TRIO: variants seen among roughly 807,000 people sequenced by gnomAD.
TRIO encodes triple functional domain protein.
Under a neutral mutation model 351.9 loss-of-function variants are expected in TRIO, and 58 were observed. The observed-to-expected ratio is 0.16, with a 90% CI of 0.13 to 0.21. The LOEUF (loss-of-function observed/expected upper bound fraction) is 0.21, where lower values mean the gene tolerates loss of function less well. TRIO is among the 10% of genes least tolerant of loss of function. The pLI, the probability that TRIO is intolerant of heterozygous loss-of-function variation, is 1.00. For synonymous variants in TRIO, 1,758 were observed against 1,595.7 expected (o/e 1.10, Z -2.42); for missense variants, 3,201 against 4,027.8 (o/e 0.79, Z 5.56).
At position 14,286,841 on chromosome 5, in the gene TRIO, CG is replaced by C; in HGVS notation, c.348-29del. ...AGGCAGAGTGGCAAGAGATGTAACC[CG>C]TCTTCAGCCATGTTTTCTTTCTCTG... On this transcript the variant is annotated intron_variant, in intron 3 of 56. Coordinates refer to ENST00000344204, the MANE Select transcript of TRIO (RefSeq NM_007118.4). The surrounding 1 kb of genome is among the most constrained non-coding windows in gnomAD (Gnocchi z 4.4). The C allele has an allele frequency of 6.3e-7, 1 of 1,597,012 alleles. No individual in the cohort carries two copies.
chr5:14,316,069 C>T (rs888540069), intron 8 of TRIO, among the ~76,000 whole-genome samples: 2 of 152,114 alleles, frequency 1.3e-5, no homozygotes, highest in African/African-American at 2.4e-5. Context: ...AATTTTGTTC[C>T]ATTGTGATGA....
chr5:14,245,302 A>G (rs1280635223), intron 1 of TRIO, among the ~76,000 whole-genome samples: 1 of 152,156 alleles, frequency 6.6e-6, no homozygotes, highest in Non-Finnish European at 1.5e-5. Context: ...GCTCTCTTTC[A>G]CTGAAGTTTC....
At chr5:14,390,810 C>T (rs1357400566) in intron 26 of TRIO, 91 bp from the exon 27 acceptor site, 14 of 1,039,144 alleles carry the variant, frequency 1.3e-5, no homozygotes, top group East Asian at 2.8e-5. Context: ...CTTAAATTTC[C>T]GTTATCCATA....
chr5:14,262,004 C>T (rs929373428), intron 1 of TRIO, among the ~76,000 whole-genome samples: 1 of 152,060 alleles, frequency 6.6e-6, no homozygotes, highest in African/African-American at 2.4e-5. Context: ...TTGCTCTGTG[C>T]CTAGATGGAT....
At position 14,378,002 on chromosome 5, in the gene TRIO, T is replaced by A. The variant is rs759341455; in HGVS notation, c.3332-10T>A. ...AGCACCAACATACATCATTTTCTTT[T>A]TTCTCTCAGATATCTTGAATGAACT... On this transcript the variant is annotated splice_polypyrimidine_tract_variant and intron_variant, in intron 19 of 56. Transcript: ENST00000344204. 39 of 1,601,040 alleles carry A rather than the reference T, an allele frequency of 2.4e-5. No homozygotes were observed. Among genetic ancestry groups the A allele is most frequent in the Middle Eastern group, 3.3e-4 (2 of 6,070 alleles).
In TRIO at chr5:14,461,252, G is replaced by A. The variant is rs1025988315; in HGVS notation, c.5437G>A (p.Gly1813Ser). ...SREVRKSADA[G>S]SQKDSDDSAA... ...CGAGGTCCGCAAGAGCGCCGACGCC[G>A]GCTCGCAGAAGGACTCCGACGACAG... Residue 1813 changes from glycine to serine, a missense_variant, in exon 35 of 57, where the codon GGC becomes AGC. Physicochemically the swap from Gly to Ser is moderately conservative, Grantham distance 56 (BLOSUM62 0). This residue lies in a region of TRIO where 193 missense variants were observed against 218.8 expected (regional missense o/e 0.88). Transcript: ENST00000344204. 5.0e-6 allele frequency: 8 copies of A among 1,594,420 alleles called. No individual in the cohort carries two copies. The Admixed American group carries it at 1.4e-4, about 27-fold the overall frequency.
At chr5:14,175,020 C>T (rs528281936) in intron 1 of TRIO, among the ~76,000 whole-genome samples, 3 of 150,686 alleles carry the variant, frequency 2.0e-5, no homozygotes, top group Non-Finnish European at 3.0e-5. Context: ...TAAAGATGCA[C>T]ATATTACTTT....
chr5:14,278,886 A>G lies in TRIO; in HGVS notation c.233-1436A>G, dbSNP rs114022732. On this transcript the variant is annotated intron_variant, in intron 2 of 56. Coordinates refer to ENST00000344204, the MANE Select transcript of TRIO (RefSeq NM_007118.4). ...ACATTTTTACTACTAAAAAAGAAGTAAAGCCAGTAGTTCGAAAGATCATGC... is the reference window on the plus strand; with the variant it reads ...ACATTTTTACTACTAAAAAAGAAGTGAAGCCAGTAGTTCGAAAGATCATGC... Among the ~76,000 whole-genome samples the G allele has an allele frequency of 6.0e-3, 907 of 152,356 alleles. 6 individuals are homozygous for G. The highest frequency in any genetic ancestry group is 9.4e-3 in the Non-Finnish European group (642 of 68,036).
At chr5:14,443,801 A>G (rs1248498403) in intron 34 of TRIO, among the ~76,000 whole-genome samples, 2 of 152,266 alleles carry the variant, frequency 1.3e-5, no homozygotes, top group Non-Finnish European at 2.9e-5. Flanking sequence ...TGTTAAGAAA[A>G]TAAGAGAAGG....
At chr5:14,157,555 C>T (rs1788187359) in intron 1 of TRIO, among the ~76,000 whole-genome samples, 1 of 151,636 alleles carries the variant, frequency 6.6e-6, no homozygotes, top group Admixed American at 6.6e-5. Context: ...GTCTCTCTCT[C>T]TCTCCCTGTC....
intron 34 of TRIO, among the ~76,000 whole-genome samples, chr5:14,455,819 C>T (rs1014702985): frequency 2.0e-5 from 3 of 152,276 alleles, no homozygotes; most frequent in African/African-American, 7.2e-5. Context: ...CTCAGGAGCC[C>T]AGCTGGCTTT....
intron 53 of TRIO, among the ~76,000 whole-genome samples, chr5:14,500,049 T>TAAA (rs759222831): frequency 1.2e-4 from 9 of 77,102 alleles, no homozygotes; most frequent in African/African-American, 3.6e-4. Context: ...AGACTCTGTC[T>TAAA]CAAAAAAAAA....
intron 3 of TRIO, among the ~76,000 whole-genome samples, chr5:14,281,442 G>A (rs998085243): frequency 2.7e-5 from 2 of 74,386 alleles, no homozygotes; most frequent in South Asian, 4.5e-4. Context: ...CCCCCGCCCC[G>A]TGATCCAATT....
intron 49 of TRIO, among the ~76,000 whole-genome samples, chr5:14,493,395 G>A (rs138073046): frequency 0.037 from 5,659 of 152,154 alleles, 152 homozygotes; most frequent in Middle Eastern, 0.071. Flanking sequence ...CTCTGTATTT[G>A]TGTCACATTT....
chr5:14,227,825 A>T (rs895807812), intron 1 of TRIO, among the ~76,000 whole-genome samples: 11 of 152,232 alleles, frequency 7.2e-5, no homozygotes, highest in Non-Finnish European at 1.0e-4. Flanking sequence ...TTTAGTCTCA[A>T]TGGAAAGGTT....
intron 1 of TRIO, among the ~76,000 whole-genome samples, chr5:14,148,079 G>A (rs1450077116): frequency 6.6e-6 from 1 of 152,174 alleles, no homozygotes; most frequent in African/African-American, 2.4e-5. Context: ...CTTGTAAACC[G>A]ACATATTGAT....
chr5:14,507,953 A>C lies in TRIO; in HGVS notation c.8825A>C (p.Gln2942Pro), dbSNP rs764464796. The C allele has an allele frequency of 2.5e-6, 4 of 1,614,090 alleles. No individual in the cohort carries two copies. In the African/African-American group the frequency reaches 5.3e-5, roughly 22 times the overall value. Residue 2942 changes from glutamine to proline, a missense_variant, in exon 57 of 57, where the codon CAG (glutamine) becomes CCG (proline). Physicochemically the swap from Gln to Pro is moderately conservative, Grantham distance 76. Coordinates refer to ENST00000344204, the MANE Select transcript of TRIO (RefSeq NM_007118.4). ...CTGGCTGACTTTGGAGATGCTGTTCAGCTCAACACGACCTACTACATCCAC... is the reference window on the plus strand; with the variant it reads ...CTGGCTGACTTTGGAGATGCTGTTCCGCTCAACACGACCTACTACATCCAC... ...IKLADFGDAV[Q>P]LNTTYYIHQL...
chr5:14,503,134 A>C (rs1757415115), intron 54 of TRIO, among the ~76,000 whole-genome samples: 1 of 152,264 alleles, frequency 6.6e-6, no homozygotes, highest in Admixed American at 6.5e-5. Context: ...GGGGTGGCCC[A>C]GCAGTGCCAT....
At chr5:14,466,380 A>G (rs1423966066) in intron 37 of TRIO, 1 of 126,578 alleles carries the variant, frequency 7.9e-6, no homozygotes, top group Non-Finnish European at 1.7e-5. Context: ...AAGGGTTTAC[A>G]TTATTATATA....
Sources: gnomAD v4.1 joint callset for allele counts (sites outside exome capture counted in the v4.1 genomes callset) on GRCh38, gnomAD v4.1.1 for gene constraint, gnomAD v4.1.1 regional missense constraint, Gnocchi (gnomAD v3.1) non-coding constraint, MANE v1.5 for transcripts, NCBI Gene and HGNC (gene_info 2026-07-23, HGNC 2026-07-21) for gene names.